The following ANO3 variants were observed in gnomAD, a reference collection of about 807,000 sequenced individuals.
ANO3 encodes anoctamin-3.
ANO3 carries 99 observed loss-of-function variants against 144.8 expected under a neutral mutation model. That is an observed-to-expected ratio of 0.68 (90% CI 0.58 to 0.81). The LOEUF is 0.81. Ranked by LOEUF, ANO3 falls within the 30% of genes least tolerant of loss-of-function variation. The pLI, the probability that ANO3 is intolerant of heterozygous loss-of-function variation, is 0.00. For synonymous variants in ANO3, 414 were observed against 392.6 expected (o/e 1.05, Z -0.64); for missense variants, 905 against 1,202.2 (o/e 0.75, Z 3.66).
At chr11:26,255,191 G>A (rs17243217) in intron 1 of ANO3, among the ~76,000 whole-genome samples, 6,372 of 152,256 alleles carry the variant, frequency 0.042, 184 homozygotes, top group Non-Finnish European at 0.059. Flanking sequence ...TAGAGTAAAT[G>A]TGTTTTAATG....
chr11:26,645,105 A>G (rs1043801205), intron 23 of ANO3, among the ~76,000 whole-genome samples: 2 of 151,680 alleles, frequency 1.3e-5, no homozygotes, highest in East Asian at 1.9e-4. Context: ...TGTTTTGTGT[A>G]TTTGCTTGTT....
chr11:26,328,180 C>G (rs144703906), upstream of ANO3, among the ~76,000 whole-genome samples: 2 of 152,270 alleles, frequency 1.3e-5, no homozygotes, highest in Non-Finnish European at 1.5e-5. Context: ...GAATGCTACT[C>G]GGAGCATATA....
intron 1 of ANO3, among the ~76,000 whole-genome samples, chr11:26,339,507 C>G (rs1476621893): frequency 6.6e-6 from 1 of 152,148 alleles, no homozygotes; most frequent in Non-Finnish European, 1.5e-5. Flanking sequence ...CTAATTGTTG[C>G]AGGTTCTTTG....
chr11:26,194,101 T>C (rs987981257), intron 1 of ANO3, among the ~76,000 whole-genome samples: 19 of 152,086 alleles, frequency 1.2e-4, no homozygotes, highest in African/African-American at 4.1e-4. Context: ...ATCTAGCATA[T>C]GCTAACTATT....
At chr11:26,423,352 T>C (rs1183448011) in intron 1 of ANO3, among the ~76,000 whole-genome samples, 1 of 144,616 alleles carries the variant, frequency 6.9e-6, no homozygotes. Flanking sequence ...CTACTTCCCC[T>C]GTGAATAAGC....
chr11:26,301,159 T>C (rs1436392496), intron 1 of ANO3, among the ~76,000 whole-genome samples: 1 of 134,382 alleles, frequency 7.4e-6, no homozygotes, highest in Non-Finnish European at 1.5e-5. Context: ...GCCTCTTTAC[T>C]TTCTTAATTG....
At chr11:26,421,546 T>A (rs1857752228) in intron 1 of ANO3, among the ~76,000 whole-genome samples, 1 of 152,036 alleles carries the variant, frequency 6.6e-6, no homozygotes, top group South Asian at 2.1e-4. Context: ...TTGTTATTTT[T>A]AAAATTTTTC....
chr11:26,535,767 T>C (rs917097875), intron 9 of ANO3, among the ~76,000 whole-genome samples: 2 of 151,326 alleles, frequency 1.3e-5, no homozygotes, highest in Admixed American at 1.3e-4. Context: ...TATTTTTTAG[T>C]AGACACGGGG....
At chr11:26,609,421 A>G (rs2132959471) in intron 17 of ANO3, among the ~76,000 whole-genome samples, 1 of 151,232 alleles carries the variant, frequency 6.6e-6, no homozygotes, top group South Asian at 2.1e-4. Flanking sequence ...CACATGCAGG[A>G]TTCCCATATC....
chr11:26,492,225 G>A (rs1390766997), intron 4 of ANO3, among the ~76,000 whole-genome samples: 2 of 152,208 alleles, frequency 1.3e-5, no homozygotes, highest in East Asian at 3.9e-4. Context: ...TCAGCGAGCT[G>A]AGCTCTATGT....
chr11:26,277,636 T>C lies in ANO3; in HGVS notation c.155-32009T>C, dbSNP rs111565858. Reference sequence around the variant, plus strand: ...CTTTTCATAACTACATGCTTTCACATAGGCTGTTCCTTCTGCTTGAAATGC... The same window carrying C: ...CTTTTCATAACTACATGCTTTCACACAGGCTGTTCCTTCTGCTTGAAATGC... On this transcript the variant is annotated intron_variant, in intron 1 of 27. Coordinates refer to the ANO3 transcript ENST00000672621. Among the ~76,000 whole-genome samples the C allele has an allele frequency of 3.4e-4, 51 of 152,146 alleles. 1 individual carries two copies. Among genetic ancestry groups the C allele is most frequent in the African/African-American group, 1.2e-3 (51 of 41,544 alleles).
chr11:26,358,887 T>TC (rs1338190254), intron 1 of ANO3, among the ~76,000 whole-genome samples: 1 of 152,220 alleles, frequency 6.6e-6, no homozygotes, highest in Non-Finnish European at 1.5e-5. Context: ...GTATGGTTTT[T>TC]CTCATAAAAT....
intron 1 of ANO3, among the ~76,000 whole-genome samples, chr11:26,400,099 G>GT (rs1014313588): frequency 6.0e-5 from 9 of 149,270 alleles, no homozygotes; most frequent in East Asian, 2.0e-4. Flanking sequence ...ACAAAGCAAA[G>GT]TTTTTTTTGT....
At chr11:26,338,988 A>G (rs1440955412) in intron 1 of ANO3, among the ~76,000 whole-genome samples, 1 of 152,192 alleles carries the variant, frequency 6.6e-6, no homozygotes, top group Non-Finnish European at 1.5e-5. Context: ...AAGATGCACT[A>G]ACTGCATTAT....
chr11:26,623,903 C>G (rs1248256770), intron 17 of ANO3, among the ~76,000 whole-genome samples: 1 of 152,156 alleles, frequency 6.6e-6, no homozygotes, highest in Non-Finnish European at 1.5e-5. Flanking sequence ...TCTCCTGCCT[C>G]AGCCTCCCGA....
intron 12 of ANO3, among the ~76,000 whole-genome samples, chr11:26,552,698 A>G (rs1295445826): frequency 6.6e-6 from 1 of 151,900 alleles, no homozygotes; most frequent in Non-Finnish European, 1.5e-5. Context: ...ATAAATATAA[A>G]CTATGGCATG....
chr11:26,498,709 T>C (rs1176664487), intron 4 of ANO3, among the ~76,000 whole-genome samples: 1 of 151,744 alleles, frequency 6.6e-6, no homozygotes, highest in African/African-American at 2.4e-5. Context: ...GAGACTTCTG[T>C]ATAATATTCC....
chr11:26,474,022 A>G lies in ANO3; in HGVS notation c.432+10874A>G, dbSNP rs575949326. The stretch of plus-strand genomic sequence containing the variant: ...GGAAAAAGCAGGCGGTGAAAGGGAG[A>G]ACTTTCAGTTGTCACACTGAAGAGT... On this transcript the variant is annotated intron_variant, in intron 4 of 26. Coordinates refer to ENST00000256737, the MANE Select transcript of ANO3 (RefSeq NM_031418.4). 1.5e-3 allele frequency: 1,488 copies of G among 985,058 alleles called. 3 individuals carry two copies. The highest frequency in any genetic ancestry group is 2.6e-3 in the Middle Eastern group (5 of 1,914). The allele number at this position is 985,058 out of a possible 1,614,324, so 61.0% of individuals were successfully genotyped here. A position where few individuals can be genotyped will look rare whatever the true frequency, so the allele number is the denominator to read the frequency against.
At chr11:26,535,281 A>G (rs572710064) in intron 9 of ANO3, among the ~76,000 whole-genome samples, 37 of 152,360 alleles carry the variant, frequency 2.4e-4, no homozygotes, top group African/African-American at 6.0e-4. Flanking sequence ...AATGTTTAGC[A>G]GTATGCTACA....
Sources: allele counts gnomAD v4.1 joint callset (sites outside exome capture counted in the v4.1 genomes callset), GRCh38; gene constraint gnomAD v4.1.1; transcripts MANE v1.5; gene names NCBI Gene and HGNC (gene_info 2026-07-23, HGNC 2026-07-21).